CCSER1: variants seen among roughly 807,000 people sequenced by gnomAD.
The protein encoded by CCSER1 is serine-rich coiled-coil domain-containing protein 1.
CCSER1 carries 41 observed loss-of-function variants against 82.0 expected under a neutral mutation model. The observed-to-expected ratio is 0.50, with a 90% CI of 0.39 to 0.65. The LOEUF (loss-of-function observed/expected upper bound fraction) is 0.65, where lower values mean the gene tolerates loss of function less well. Ranked by LOEUF, CCSER1 falls within the 30% of genes least tolerant of loss-of-function variation. The pLI, the probability that CCSER1 is intolerant of heterozygous loss-of-function variation, is 0.00. For missense variants in CCSER1, 1,119 were observed against 1,064.2 expected (o/e 1.05, Z -0.72); for synonymous variants, 414 against 383.9 (o/e 1.08, Z -0.92).
chr4:90,893,776 C>CAT (rs1554038034), intron 8 of CCSER1, among the ~76,000 whole-genome samples: 2 of 108,052 alleles, frequency 1.9e-5, no homozygotes, highest in African/African-American at 3.6e-5. Flanking sequence ...TGTGTGTGTG[C>CAT]GTGTGTGTGT....
At chr4:90,383,683 CT>C (rs766474464) in intron 3 of CCSER1, among the ~76,000 whole-genome samples, 3 of 151,968 alleles carry the variant, frequency 2.0e-5, no homozygotes, top group Non-Finnish European at 4.4e-5. Flanking sequence ...GGTTCAGCCA[CT>C]TACTTGTGTT....
rs199858338 is a variant in CCSER1, at chr4:90,359,897, GTATATA to G, written c.1510-40127_1510-40122del. On this transcript the variant is annotated intron_variant, in intron 3 of 10. Coordinates refer to ENST00000509176, the MANE Select transcript of CCSER1 (RefSeq NM_001145065.2). ...TATGTGTGTATATATATGTGTGTGT[GTATATA>G]TATATATATATGTATATAATTTTTT... Among the ~76,000 whole-genome samples, 169 of 143,540 alleles carry G rather than the reference GTATATA, an allele frequency of 1.2e-3. 7 individuals are homozygous for G. Among genetic ancestry groups the G allele is most frequent in the Middle Eastern group, 0.011 (3 of 274 alleles). The allele number at this position is 143,540 out of a possible 152,430, so 94.2% of individuals were successfully genotyped here.
At chr4:90,166,399 T>G (rs1015842450) in intron 1 of CCSER1, among the ~76,000 whole-genome samples, 8 of 151,982 alleles carry the variant, frequency 5.3e-5, no homozygotes, top group Non-Finnish European at 1.2e-4. Context: ...AATAGTGACA[T>G]AGAGTAAAAA....
intron 10 of CCSER1, among the ~76,000 whole-genome samples, chr4:91,175,921 T>C (rs1581710782): frequency 6.6e-6 from 1 of 152,240 alleles, no homozygotes; most frequent in East Asian, 1.9e-4. Context: ...CTGAATGTTA[T>C]TGCCTAGGTT....
intron 10 of CCSER1, among the ~76,000 whole-genome samples, chr4:91,249,953 A>T (rs893732738): frequency 4.2e-5 from 6 of 141,902 alleles, no homozygotes; most frequent in South Asian, 2.2e-4. Context: ...TGAATAATAA[A>T]AAAAAAAAAC....
chr4:90,529,402 G>A (rs968839639), intron 5 of CCSER1, among the ~76,000 whole-genome samples: 1 of 151,940 alleles, frequency 6.6e-6, no homozygotes, highest in Admixed American at 6.6e-5. Context: ...GCTAATTTTT[G>A]TATGTTTAAT....
intron 3 of CCSER1, among the ~76,000 whole-genome samples, chr4:90,372,606 C>T (rs374727510): frequency 1.1e-4 from 17 of 151,942 alleles, no homozygotes; most frequent in Admixed American, 3.3e-4. Context: ...AAAATTTAGC[C>T]GGGCCTGGTG....
intron 6 of CCSER1, among the ~76,000 whole-genome samples, chr4:90,659,389 C>T (rs1041677658): frequency 6.6e-6 from 1 of 152,110 alleles, no homozygotes; most frequent in Non-Finnish European, 1.5e-5. Flanking sequence ...ACTTTTCCCT[C>T]TTAGTGGATA....
chr4:91,460,757 C>T (rs561377068), intron 10 of CCSER1, among the ~76,000 whole-genome samples: 1 of 152,206 alleles, frequency 6.6e-6, no homozygotes, highest in South Asian at 2.1e-4. Flanking sequence ...TGTGAGTGGC[C>T]TTACACTTTC....
chr4:90,756,166 T>G (rs1032620050), intron 7 of CCSER1, among the ~76,000 whole-genome samples: 6 of 152,138 alleles, frequency 3.9e-5, no homozygotes, highest in African/African-American at 1.4e-4. Flanking sequence ...AGACAGAGAT[T>G]GCAGTGAGCT....
intron 4 of CCSER1, among the ~76,000 whole-genome samples, chr4:90,412,688 C>T (rs114452076): frequency 0.01 from 1,547 of 152,140 alleles, 17 homozygotes; most frequent in South Asian, 0.03. Context: ...TAGAAAAAGC[C>T]TTTGACAAAA....
intron 10 of CCSER1, among the ~76,000 whole-genome samples, chr4:91,366,101 C>A (rs1428696408): frequency 6.6e-6 from 1 of 152,174 alleles, no homozygotes; most frequent in Non-Finnish European, 1.5e-5. Context: ...TCACTGCAAC[C>A]TCCGCCTCCC....
At chr4:91,284,986 A>G (rs1190138063) in intron 10 of CCSER1, among the ~76,000 whole-genome samples, 2 of 152,064 alleles carry the variant, frequency 1.3e-5, no homozygotes, top group Admixed American at 1.3e-4. Flanking sequence ...AAAAATTTTG[A>G]AAGTTTGGGT....
In CCSER1 at chr4:91,088,666, G is replaced by C. The variant is rs145528426; in HGVS notation, c.2217+2672G>C. Among the ~76,000 whole-genome samples the C allele has an allele frequency of 2.4e-3, 369 of 152,238 alleles. 2 individuals are homozygous for C. The highest frequency in any genetic ancestry group is 8.7e-3 in the African/African-American group (360 of 41,568). ...TACGTGCATATTGTGTATACAATTT[G>C]AGGGGGCTGATTATAATAGATAATA... On this transcript the variant is annotated intron_variant, in intron 10 of 10. Transcript: ENST00000509176.
At chr4:91,381,119 A>G (rs2178220) in intron 10 of CCSER1, among the ~76,000 whole-genome samples, 150,331 of 152,294 alleles carry the variant, frequency 0.99, 74,224 homozygotes, top group Middle Eastern at 1. Flanking sequence ...GAGATCCGCC[A>G]TTACTCTGAT....
At chr4:90,892,133 A>C (rs2150117084) in intron 8 of CCSER1, among the ~76,000 whole-genome samples, 1 of 152,222 alleles carries the variant, frequency 6.6e-6, no homozygotes, top group African/African-American at 2.4e-5. Context: ...CATTTATCTA[A>C]AGTGTATTTA....
intron 5 of CCSER1, among the ~76,000 whole-genome samples, chr4:90,529,199 A>G (rs1774174264): frequency 6.6e-6 from 1 of 151,862 alleles, no homozygotes; most frequent in Non-Finnish European, 1.5e-5. Flanking sequence ...CTTTGTAATC[A>G]CTATTTTTTA....
chr4:90,324,083 G>A (rs1022513452), intron 3 of CCSER1, among the ~76,000 whole-genome samples: 2 of 152,098 alleles, frequency 1.3e-5, no homozygotes, highest in African/African-American at 4.8e-5. Context: ...TGGACATTTG[G>A]GTTGGTTCCA....
chr4:91,527,576 T>A (rs1242794634), intron 10 of CCSER1, among the ~76,000 whole-genome samples: 2 of 152,152 alleles, frequency 1.3e-5, no homozygotes, highest in Non-Finnish European at 2.9e-5. Flanking sequence ...GGAAATCAAG[T>A]AGAATTAAGA....
Sources: allele counts gnomAD v4.1 joint callset (sites outside exome capture counted in the v4.1 genomes callset), GRCh38; gene constraint gnomAD v4.1.1; transcripts MANE v1.5; gene names NCBI Gene and HGNC (gene_info 2026-07-23, HGNC 2026-07-21).